CALCR: variants seen among roughly 807,000 people sequenced by gnomAD.
The protein encoded by CALCR is calcitonin receptor.
In CALCR, 47 loss-of-function variants were observed where a neutral mutation model predicts 59.5. The ratio of observed to expected loss-of-function variants is 0.79; its 90% CI spans 0.63 to 1.01. The LOEUF (loss-of-function observed/expected upper bound fraction) is 1.01. Ranked by LOEUF, CALCR falls within the 50% of genes least tolerant of loss-of-function variation. The probability of loss-of-function intolerance (pLI) is 0.00; values close to 1 mark genes in which losing one functional copy is unlikely to be tolerated. For synonymous variants in CALCR, 213 were observed against 211.3 expected, an observed-to-expected ratio of 1.01 and a Z score of -0.07; for missense variants, 566 against 597.1, an observed-to-expected ratio of 0.95 and a Z score of 0.54.
intron 2 of CALCR, among the ~76,000 whole-genome samples, chr7:93,554,797 C>T (rs1239648198): frequency 1.0e-4 from 11 of 105,136 alleles, no homozygotes; most frequent in African/African-American, 4.1e-4. Flanking sequence ...ATATATTATA[C>T]GTACATGTCA....
intron 2 of CALCR, among the ~76,000 whole-genome samples, chr7:93,541,712 C>G (rs1415249289): frequency 6.6e-6 from 1 of 152,172 alleles, no homozygotes. Flanking sequence ...GAGTGCAATT[C>G]AAGTTCCATC....
chr7:93,498,018 C>T (rs1392762456), intron 2 of CALCR, among the ~76,000 whole-genome samples: 1 of 151,532 alleles, frequency 6.6e-6, no homozygotes, highest in Non-Finnish European at 1.5e-5. Context: ...AACTACTTGA[C>T]AAATTTTGAA....
intron 2 of CALCR, among the ~76,000 whole-genome samples, chr7:93,561,294 T>C (rs1053473689): frequency 1.2e-4 from 18 of 152,058 alleles, no homozygotes; most frequent in Non-Finnish European, 5.9e-5. Context: ...ATAACATCAT[T>C]TTTTTTCAAG....
chr7:93,431,803 C>T (rs548925888), intron 13 of CALCR, among the ~76,000 whole-genome samples: 10 of 152,222 alleles, frequency 6.6e-5, no homozygotes, highest in East Asian at 5.8e-4. Flanking sequence ...ATTTTATCCA[C>T]GATGTACGGA....
At chr7:93,444,517 T>C (rs1309478475) in intron 8 of CALCR, among the ~76,000 whole-genome samples, 1 of 152,110 alleles carries the variant, frequency 6.6e-6, no homozygotes, top group African/African-American at 2.4e-5. Flanking sequence ...TGGAGTAGAT[T>C]TTTGTTGTTG....
intron 2 of CALCR, among the ~76,000 whole-genome samples, chr7:93,567,973 T>C (rs916349410): frequency 2.0e-5 from 3 of 152,198 alleles, no homozygotes; most frequent in Non-Finnish European, 4.4e-5. Flanking sequence ...GGGCAGGGGC[T>C]TATAAACTCA....
At position 93,426,505 on chromosome 7, in the gene CALCR, C is replaced by G. The variant is rs1024993273; in HGVS notation, c.1276G>C (p.Ala426Pro). The G allele has an allele frequency of 1.2e-6, 2 of 1,613,918 alleles. No homozygotes were observed. Among genetic ancestry groups the G allele is most frequent in the Non-Finnish European group, 8.5e-7 (1 of 1,179,864 alleles). ...TCCGCAGCAGCGGCTGCAGCGCGAGCAGAGCGGTTGGAGGGGCGCCTCCCC... is the reference window on the plus strand; with the variant it reads ...TCCGCAGCAGCGGCTGCAGCGCGAGGAGAGCGGTTGGAGGGGCGCCTCCCC... ...RWGRRPSNRSARAAAAAAEAG... is the reference protein window; with the variant it reads ...RWGRRPSNRSPRAAAAAAEAG... Residue 426 changes from alanine to proline, a missense_variant, in exon 14 of 14, where the codon GCT (alanine) becomes CCT (proline). Transcript: ENST00000426151.
At chr7:93,524,130 C>T (rs1185868302) in intron 2 of CALCR, among the ~76,000 whole-genome samples, 1 of 151,156 alleles carries the variant, frequency 6.6e-6, no homozygotes, top group African/African-American at 2.4e-5. Context: ...TTACCACCCC[C>T]AAATGCCCTT....
At chr7:93,524,263 T>A (rs372112185) in intron 2 of CALCR, among the ~76,000 whole-genome samples, 30 of 150,966 alleles carry the variant, frequency 2.0e-4, no homozygotes, top group Non-Finnish European at 4.1e-4. Flanking sequence ...TCCGCCTCCC[T>A]GGTTCACGCC....
intron 2 of CALCR, among the ~76,000 whole-genome samples, chr7:93,540,286 G>A (rs138266210): frequency 0.012 from 1,876 of 152,228 alleles, 27 homozygotes; most frequent in Non-Finnish European, 0.018. Flanking sequence ...TACTCTTTCC[G>A]TATGTATGGC....
At chr7:93,469,578 C>T (rs1800511542) in intron 6 of CALCR, among the ~76,000 whole-genome samples, 1 of 151,668 alleles carries the variant, frequency 6.6e-6, no homozygotes, top group African/African-American at 2.4e-5. Context: ...TGGTCTCTCT[C>T]TCTCTCTTTC....
chr7:93,509,010 T>C (rs969453173), intron 2 of CALCR, among the ~76,000 whole-genome samples: 2 of 152,156 alleles, frequency 1.3e-5, no homozygotes, highest in African/African-American at 4.8e-5. Context: ...TCTCATCTCA[T>C]GTGATTTGCT....
At chr7:93,510,378 A>G (rs1214751305) in intron 2 of CALCR, among the ~76,000 whole-genome samples, 1 of 152,186 alleles carries the variant, frequency 6.6e-6, no homozygotes, top group African/African-American at 2.4e-5. Flanking sequence ...AAAGTCTCCA[A>G]GTCTCTCTGT....
At chr7:93,490,395 C>T (rs1445313813) in intron 2 of CALCR, among the ~76,000 whole-genome samples, 1 of 151,816 alleles carries the variant, frequency 6.6e-6, no homozygotes, top group South Asian at 2.1e-4. Flanking sequence ...ATTGGAAATT[C>T]TGGCCAGGGC....
intron 2 of CALCR, 37 bp downstream of exon 2, chr7:93,574,252 A>G (rs1790067258): frequency 6.6e-6 from 1 of 152,312 alleles, no homozygotes; most frequent in African/African-American, 2.4e-5. Context: ...GGACACCCCA[A>G]ATCGTTAAGT....
chr7:93,533,987 C>A (rs994979313), intron 2 of CALCR, among the ~76,000 whole-genome samples: 6 of 151,638 alleles, frequency 4.0e-5, no homozygotes, highest in African/African-American at 1.5e-4. Context: ...AGAAAACAGA[C>A]CACCATTGGT....
chr7:93,550,640 C>CACACAT (rs546932316), intron 2 of CALCR, among the ~76,000 whole-genome samples: 33,051 of 146,584 alleles, frequency 0.23, 4,488 homozygotes, highest in South Asian at 0.32. Context: ...CACACACACA[C>CACACAT]GAGAGACAGA....
intron 2 of CALCR, among the ~76,000 whole-genome samples, chr7:93,518,555 A>G (rs1029393996): frequency 6.6e-6 from 1 of 151,914 alleles, no homozygotes; most frequent in South Asian, 2.1e-4. Flanking sequence ...CTTCTGCATT[A>G]TTGGTGGGAG....
At chr7:93,458,916 C>T (rs1584551526) in intron 8 of CALCR, among the ~76,000 whole-genome samples, 1 of 152,232 alleles carries the variant, frequency 6.6e-6, no homozygotes, top group East Asian at 1.9e-4. Context: ...ACAGTTATAT[C>T]ATTAAACTAT....
Sources: allele counts gnomAD v4.1 joint callset (sites outside exome capture counted in the v4.1 genomes callset), GRCh38; gene constraint gnomAD v4.1.1; transcripts MANE v1.5; gene names NCBI Gene and HGNC (gene_info 2026-07-23, HGNC 2026-07-21).